LINGO2: variants seen among roughly 807,000 people sequenced by gnomAD.
LINGO2 encodes the protein leucine-rich repeat and immunoglobulin-like domain-containing nogo receptor-interacting protein 2.
Under a neutral mutation model 30.6 loss-of-function variants are expected in LINGO2, and 14 were observed. The observed-to-expected ratio is 0.46, with a 90% CI of 0.30 to 0.72. The LOEUF (loss-of-function observed/expected upper bound fraction) is 0.72, where lower values mean the gene tolerates loss of function less well. Ranked by LOEUF, LINGO2 falls within the 30% of genes least tolerant of loss-of-function variation. The probability of loss-of-function intolerance (pLI) is 0.07; values close to 1 mark genes in which losing one functional copy is unlikely to be tolerated. For missense variants in LINGO2, 729 were observed against 751.7 expected (o/e 0.97, Z 0.35); for synonymous variants, 317 against 288.5 (o/e 1.10, Z -1.00).
chr9:28,028,371 C>A (rs934546789), intron 4 of LINGO2, among the ~76,000 whole-genome samples: 1 of 152,090 alleles, frequency 6.6e-6, no homozygotes, highest in African/African-American at 2.4e-5. Flanking sequence ...CCTGTCATAG[C>A]AACAGTGTTA....
intron 3 of LINGO2, among the ~76,000 whole-genome samples, chr9:28,338,354 C>T (rs111891597): frequency 0.037 from 5,615 of 152,216 alleles, 178 homozygotes; most frequent in Admixed American, 0.095. Flanking sequence ...AACTAACTTG[C>T]TTTTGATTTT....
the LINGO2 span, among the ~76,000 whole-genome samples, chr9:29,188,063 C>G: frequency 6.7e-5 from 8 of 120,250 alleles, no homozygotes; most frequent in East Asian, 2.0e-3. Context: ...GTGTTTCTCG[C>G]AGAGGGGGAT....
chr9:28,071,108 T>C (rs1460156555), intron 4 of LINGO2, among the ~76,000 whole-genome samples: 1 of 152,210 alleles, frequency 6.6e-6, no homozygotes, highest in Non-Finnish European at 1.5e-5. Context: ...CTAAGGGTGA[T>C]GCTGCCTTAC....
the LINGO2 span, among the ~76,000 whole-genome samples, chr9:29,163,761 A>T: frequency 6.6e-6 from 1 of 152,270 alleles, no homozygotes; most frequent in Admixed American, 6.5e-5. Context: ...GAGTCAAAAC[A>T]CTTCTCCAGA....
intron 2 of LINGO2, among the ~76,000 whole-genome samples, chr9:28,464,233 C>G (rs953658530): frequency 1.3e-5 from 2 of 152,140 alleles, no homozygotes; most frequent in South Asian, 4.1e-4. Flanking sequence ...GGCATAAATT[C>G]TATTCCTGTG....
chr9:28,876,709 A>G, the LINGO2 span, among the ~76,000 whole-genome samples: 1 of 152,282 alleles, frequency 6.6e-6, no homozygotes, highest in Non-Finnish European at 1.5e-5. Flanking sequence ...CGCAATAAAC[A>G]TACGTGTGCA....
At chr9:28,027,090 T>A in intron 4 of LINGO2, among the ~76,000 whole-genome samples, 1 of 152,178 alleles carries the variant, frequency 6.6e-6, no homozygotes, top group East Asian at 1.9e-4. Flanking sequence ...TGCATCATAA[T>A]ACATTACTAA....
At chr9:28,823,356 A>G in the LINGO2 span, among the ~76,000 whole-genome samples, 1 of 152,210 alleles carries the variant, frequency 6.6e-6, no homozygotes. Flanking sequence ...AGGTCAATAT[A>G]TTAAAAGGTT....
the LINGO2 span, among the ~76,000 whole-genome samples, chr9:29,099,682 A>G: frequency 7.2e-5 from 11 of 152,196 alleles, no homozygotes; most frequent in East Asian, 2.1e-3. Flanking sequence ...CTAAAATGAG[A>G]TATCATTTCA....
exon 6 of LINGO2, chr9:27,949,302 T>C: frequency 6.2e-7 from 1 of 1,614,118 alleles, no homozygotes; most frequent in South Asian, 1.1e-5. Context: ...GGCTCTTCCA[T>C]TGGACTTGGT....
chr9:28,656,564 T>A (rs1462708958), intron 1 of LINGO2, among the ~76,000 whole-genome samples: 1 of 152,084 alleles, frequency 6.6e-6, no homozygotes, highest in Non-Finnish European at 1.5e-5. Context: ...ATTTACAGAA[T>A]AACTGGCTTG....
chr9:29,151,818 G>A, the LINGO2 span, among the ~76,000 whole-genome samples: 2 of 152,262 alleles, frequency 1.3e-5, no homozygotes, highest in South Asian at 4.1e-4. Context: ...AATACCTCCA[G>A]TGACAGCATT....
intron 3 of LINGO2, among the ~76,000 whole-genome samples, chr9:28,326,530 A>T (rs1825235234): frequency 6.6e-6 from 1 of 152,164 alleles, no homozygotes; most frequent in South Asian, 2.1e-4. Context: ...CACCACAAAT[A>T]GTAATTACTG....
chr9:28,281,513 G>T (rs1431974408), intron 4 of LINGO2, among the ~76,000 whole-genome samples: 1 of 151,428 alleles, frequency 6.6e-6, no homozygotes, highest in Admixed American at 6.6e-5. Flanking sequence ...GGATATAACG[G>T]GACTATTAGG....
chr9:28,100,313 G>A (rs950458699), intron 4 of LINGO2, among the ~76,000 whole-genome samples: 2 of 152,268 alleles, frequency 1.3e-5, no homozygotes, highest in African/African-American at 4.8e-5. Flanking sequence ...CTCTTAGCAT[G>A]TGCTAGGCAC....
chr9:29,111,618 A>G, the LINGO2 span, among the ~76,000 whole-genome samples: 1 of 151,818 alleles, frequency 6.6e-6, no homozygotes, highest in Non-Finnish European at 1.5e-5. Context: ...ACAAAATAAC[A>G]TATGTGGCCT....
At chr9:28,177,272 A>G (rs1372347871) in intron 4 of LINGO2, among the ~76,000 whole-genome samples, 2 of 152,216 alleles carry the variant, frequency 1.3e-5, no homozygotes, top group Non-Finnish European at 2.9e-5. Flanking sequence ...AGCTTTAGAT[A>G]TAACTAGCTT....
intron 4 of LINGO2, among the ~76,000 whole-genome samples, chr9:28,137,172 T>C (rs1827541240): frequency 7.2e-6 from 1 of 138,982 alleles, no homozygotes; most frequent in East Asian, 2.1e-4. Context: ...TATTTTTATA[T>C]ATTCATACAT....
At chr9:28,496,428 C>T (rs868708138) in intron 1 of LINGO2, among the ~76,000 whole-genome samples, 2 of 151,224 alleles carry the variant, frequency 1.3e-5, no homozygotes, top group Non-Finnish European at 2.9e-5. Context: ...CCTTCTTTGT[C>T]TCTTTTGATC....
Sources: allele counts gnomAD v4.1 joint callset (sites outside exome capture counted in the v4.1 genomes callset), GRCh38; gene constraint gnomAD v4.1.1; transcripts MANE v1.5; gene names NCBI Gene and HGNC (gene_info 2026-07-23, HGNC 2026-07-21).